The following STK32B variants were observed in gnomAD, a reference collection of about 807,000 sequenced individuals.
STK32B encodes the protein serine/threonine kinase 32B.
In STK32B, 43 loss-of-function variants were observed where a neutral mutation model predicts 52.6. The ratio of observed to expected loss-of-function variants is 0.82; its 90% confidence interval spans 0.64 to 1.05. The LOEUF is 1.05. STK32B is among the 50% of genes least tolerant of loss of function. The pLI is 0.00. For missense variants in STK32B, 621 were observed against 534.6 expected, an observed-to-expected ratio of 1.16 and a Z score of -1.59; for synonymous variants, 238 against 204.3, an observed-to-expected ratio of 1.17 and a Z score of -1.41.
the STK32B span, among the ~76,000 whole-genome samples, chr4:5,023,941 A>T: frequency 6.6e-6 from 1 of 152,136 alleles, no homozygotes; most frequent in Non-Finnish European, 1.5e-5. Flanking sequence ...AGCCTTTCCT[A>T]TGTCAGTTAG....
chr4:5,250,596 AG>A (rs1420363640), intron 3 of STK32B, among the ~76,000 whole-genome samples: 1 of 152,166 alleles, frequency 6.6e-6, no homozygotes, highest in Non-Finnish European at 1.5e-5. Context: ...TACAGGCGTG[AG>A]CCACCGTGCC....
rs755739721 is a variant in STK32B at position 5,331,271 on chromosome 4, G to A, written c.312G>A (p.Leu104=). Residue 104 remains leucine, a synonymous_variant, in exon 4 of 12, where the codon CTG becomes CTA. Transcript: ENST00000282908. ...TGTTCATGGTGGTGGACCTGCTCCT[G>A]GGAGGCGACCTGCGCTACCATCTGC... ...EDMFMVVDLL[L]GGDLRYHLQQ... 8 of 1,613,796 alleles carry A rather than the reference G, an allele frequency of 5.0e-6. No individual in the cohort carries two copies. The Admixed American group carries it at 1.2e-4, about 24-fold the overall frequency.
intron 3 of STK32B, among the ~76,000 whole-genome samples, chr4:5,249,471 CT>C (rs1725743166): frequency 7.1e-6 from 1 of 141,666 alleles, no homozygotes; most frequent in Admixed American, 7.1e-5. Context: ...TCCTTCCTTC[CT>C]TCCTTCCTTC....
At chr4:5,035,905 T>C in the STK32B span, among the ~76,000 whole-genome samples, 9 of 151,372 alleles carry the variant, frequency 5.9e-5, no homozygotes, top group African/African-American at 2.2e-4. Context: ...CCTCAGCCTC[T>C]TGAGTAGCTG....
chr4:5,232,355 A>G (rs1057433792), intron 3 of STK32B, among the ~76,000 whole-genome samples: 26 of 152,230 alleles, frequency 1.7e-4, no homozygotes, highest in African/African-American at 5.8e-4. Flanking sequence ...AAATATGTGT[A>G]ATAACTATAA....
chr4:5,362,843 C>A (rs1734636658), intron 4 of STK32B, among the ~76,000 whole-genome samples: 1 of 152,188 alleles, frequency 6.6e-6, no homozygotes, highest in Non-Finnish European at 1.5e-5. Flanking sequence ...CACTACCAGG[C>A]ACATGACTAG....
chr4:5,346,186 C>G (rs771145141), intron 4 of STK32B, among the ~76,000 whole-genome samples: 2 of 152,302 alleles, frequency 1.3e-5, no homozygotes, highest in South Asian at 4.1e-4. Flanking sequence ...TTTGCCAATA[C>G]TACCTTGCTG....
At chr4:5,318,111 G>T (rs1471584957) in intron 3 of STK32B, among the ~76,000 whole-genome samples, 2 of 152,122 alleles carry the variant, frequency 1.3e-5, no homozygotes, top group Non-Finnish European at 2.9e-5. Flanking sequence ...ACGTGTGTGT[G>T]TGTGTGTGCA....
intron 4 of STK32B, among the ~76,000 whole-genome samples, chr4:5,334,743 T>G (rs201261935): frequency 0.013 from 2,016 of 151,448 alleles, 26 homozygotes; most frequent in East Asian, 0.071. Context: ...ATCATGTGGT[T>G]TTTGTCTTTG....
At chr4:5,180,702 T>A (rs534525265) in intron 3 of STK32B, among the ~76,000 whole-genome samples, 44 of 152,336 alleles carry the variant, frequency 2.9e-4, no homozygotes, top group African/African-American at 1.0e-3. Context: ...TTCATCGCAT[T>A]ACATGGAGGG....
chr4:5,257,283 GTAAA>G lies in STK32B; in HGVS notation c.261-73935_261-73932del, dbSNP rs565373255. The stretch of plus-strand genomic sequence containing the variant: ...AATGAGTGAATGATGAAGTGAGTGA[GTAAA>G]TGAGTGAGTGAATGAATGAATGAGT... On this transcript the variant is annotated intron_variant, in intron 3 of 11. Coordinates refer to ENST00000282908, the MANE Select transcript of STK32B (RefSeq NM_018401.3). 3.9e-4 allele frequency among the ~76,000 whole-genome samples: 59 copies of G among 151,946 alleles called. 1 individual carries two copies. In the South Asian group the frequency reaches 8.3e-3, roughly 21 times the overall value.
chr4:5,343,012 C>CAT (rs1023972087), intron 4 of STK32B, among the ~76,000 whole-genome samples: 11 of 151,968 alleles, frequency 7.2e-5, no homozygotes, highest in African/African-American at 2.4e-4. Context: ...AGGTTTGTTA[C>CAT]ATATATATAC....
Position 5,368,203 on chromosome 4 carries a change from C to T in STK32B, c.435-30004C>T, listed in dbSNP as rs528858600. On this transcript the variant is annotated intron_variant, in intron 4 of 11. Coordinates refer to ENST00000282908, the MANE Select transcript of STK32B (RefSeq NM_018401.3). ...GGTGTCCCAATAGTAATCACAATGGCAAACTCACCACTTGTTAGGTCTGCC... is the reference window on the plus strand; with the variant it reads ...GGTGTCCCAATAGTAATCACAATGGTAAACTCACCACTTGTTAGGTCTGCC... Among the ~76,000 whole-genome samples, 15 of 152,346 alleles carry T rather than the reference C, an allele frequency of 9.8e-5. No homozygotes were observed. In the East Asian group the frequency reaches 2.7e-3, roughly 27 times the overall value.
chr4:5,249,259 A>C (rs575853730), intron 3 of STK32B, among the ~76,000 whole-genome samples: 14 of 152,166 alleles, frequency 9.2e-5, no homozygotes, highest in Non-Finnish European at 1.8e-4. Context: ...ATCAGTTGCT[A>C]TTACTCAAAT....
At position 5,371,400 on chromosome 4, in the gene STK32B, G is replaced by A. The variant is rs114640792; in HGVS notation, c.435-26807G>A. On this transcript the variant is annotated intron_variant, in intron 4 of 11. Coordinates refer to ENST00000282908, the MANE Select transcript of STK32B (RefSeq NM_018401.3). ...GGTTTCTTGCTAAAGTGACTTAGCA[G>A]GAATCTTGCTAAAACTGGATTTAGC... 8.1e-3 allele frequency among the ~76,000 whole-genome samples: 1,233 copies of A among 152,302 alleles called. 11 individuals carry two copies. The highest frequency in any genetic ancestry group is 0.028 in the African/African-American group (1,176 of 41,556).
chr4:5,144,787 TCCA>T (rs751933166), intron 2 of STK32B, among the ~76,000 whole-genome samples: 7,653 of 70,938 alleles, frequency 0.11, 239 homozygotes, highest in South Asian at 0.27. Context: ...CATTCACTCA[TCCA>T]TCCATCCATC....
chr4:5,053,452 T>A (rs183532739), intron 1 of STK32B, among the ~76,000 whole-genome samples: 13 of 152,320 alleles, frequency 8.5e-5, no homozygotes, highest in African/African-American at 3.1e-4. Context: ...GGTTCTAGCC[T>A]GGGTCAAAGG....
intron 3 of STK32B, among the ~76,000 whole-genome samples, chr4:5,290,767 T>TC (rs956147400): frequency 6.6e-4 from 5 of 7,544 alleles, no homozygotes; most frequent in East Asian, 0.11. Flanking sequence ...AAGATATACA[T>TC]AAAGAAAATA....
At chr4:5,492,218 A>G (rs1213145980) in intron 11 of STK32B, among the ~76,000 whole-genome samples, 1 of 152,118 alleles carries the variant, frequency 6.6e-6, no homozygotes, top group African/African-American at 2.4e-5. Context: ...TGAGCATGGA[A>G]TGTTCTTCCA....
Sources: allele counts gnomAD v4.1 joint callset (sites outside exome capture counted in the v4.1 genomes callset), GRCh38; gene constraint gnomAD v4.1.1; transcripts MANE v1.5; gene names NCBI Gene and HGNC (gene_info 2026-07-23, HGNC 2026-07-21).